The following MED13L variants were observed in gnomAD, a reference collection of about 807,000 sequenced individuals.
MED13L encodes the protein mediator of RNA polymerase II transcription subunit 13-like.
MED13L carries 7 observed loss-of-function variants against 220.9 expected under a neutral mutation model. The observed-to-expected ratio is 0.03, with a 90% confidence interval of 0.02 to 0.06. The LOEUF (loss-of-function observed/expected upper bound fraction) is 0.06. MED13L is among the 10% of genes least tolerant of loss of function. The pLI, the probability that MED13L is intolerant of heterozygous loss-of-function variation, is 1.00. For missense variants in MED13L, 1,965 were observed against 2,760.5 expected, an observed-to-expected ratio of 0.71 and a Z score of 6.46; for synonymous variants, 1,011 against 1,015.2, an observed-to-expected ratio of 1.00 and a Z score of 0.08.
intron 11 of MED13L, chr12:116,006,765 A>T (rs1378677932): frequency 3.0e-6 from 1 of 335,566 alleles, no homozygotes; most frequent in Non-Finnish European, 5.6e-6. Context: ...GTCTAGGGAG[A>T]TCTGTATAAA....
chr12:116,076,023 C>T (rs569448954), intron 4 of MED13L, among the ~76,000 whole-genome samples: 1 of 151,402 alleles, frequency 6.6e-6, no homozygotes, highest in East Asian at 1.9e-4. Flanking sequence ...ACGCCATTCT[C>T]CTGCCTCAGC....
intron 4 of MED13L, among the ~76,000 whole-genome samples, chr12:116,095,647 TA>T (rs1247639375): frequency 6.6e-6 from 1 of 152,212 alleles, no homozygotes; most frequent in Non-Finnish European, 1.5e-5. Flanking sequence ...TCAAGGGCTC[TA>T]ATCTGCACCC....
chr12:115,986,422 G>T lies in MED13L; in HGVS notation c.4182C>A (p.Leu1394=). The part of the protein sequence containing the change: ...TLLVGYDKDF[L]TISPFSLPFW... ...ACGGCAAGGAGAATGGCGAGATGGTGAGGAAATCCTTGTCATAGCCTACCA... is the reference window on the plus strand; with the variant it reads ...ACGGCAAGGAGAATGGCGAGATGGTTAGGAAATCCTTGTCATAGCCTACCA... The change falls in exon 19 of 31, where the codon CTC becomes CTA. Residue 1394 remains leucine, a synonymous_variant. Transcript: ENST00000281928. 6.2e-7 allele frequency: 1 copy of T among 1,614,154 alleles called. No individual in the cohort carries two copies. Among genetic ancestry groups the T allele is most frequent in the South Asian group, 1.1e-5 (1 of 91,076 alleles).
intron 2 of MED13L, among the ~76,000 whole-genome samples, chr12:116,210,734 C>A (rs1250772740): frequency 6.6e-6 from 1 of 151,638 alleles, no homozygotes; most frequent in Non-Finnish European, 1.5e-5. Context: ...TACAATTAAT[C>A]TATCACTCTT....
At chr12:116,226,798 C>T (rs140726012) in intron 2 of MED13L, among the ~76,000 whole-genome samples, 80 of 147,390 alleles carry the variant, frequency 5.4e-4, no homozygotes, top group Middle Eastern at 3.5e-3. Flanking sequence ...GAACTCCGGA[C>T]GTGGAGGTTG....
At chr12:116,033,961 A>G (rs1881014359) in intron 4 of MED13L, among the ~76,000 whole-genome samples, 1 of 152,168 alleles carries the variant, frequency 6.6e-6, no homozygotes, top group Non-Finnish European at 1.5e-5. Flanking sequence ...TCACTCAAAC[A>G]GTCAAACTAC....
intron 4 of MED13L, among the ~76,000 whole-genome samples, chr12:116,031,141 A>G (rs1178793516): frequency 6.6e-6 from 1 of 152,204 alleles, no homozygotes; most frequent in Non-Finnish European, 1.5e-5. Flanking sequence ...AAACAGATAA[A>G]GCAATTGTCT....
At chr12:116,068,714 T>C (rs1439250687) in intron 4 of MED13L, among the ~76,000 whole-genome samples, 2 of 152,188 alleles carry the variant, frequency 1.3e-5, no homozygotes, top group Admixed American at 6.5e-5. Flanking sequence ...TGTTTTAAAT[T>C]TGAACTTTTA....
Position 116,237,581 on chromosome 12 carries a change from G to C in MED13L, c.197C>G (p.Ala66Gly). The change falls in exon 2 of 31, where the codon GCT becomes GGT. Residue 66 changes from alanine to glycine, a missense_variant. By Grantham distance (60) the Ala-to-Gly change is moderately conservative (BLOSUM62 0). This residue lies in a region of MED13L where 818 missense variants were observed against 1,041.2 expected (regional missense o/e 0.79). Transcript: ENST00000281928. Reference protein sequence around the residue: ...ILLSFIRCLQANLLCVWRRDV... With the variant: ...ILLSFIRCLQGNLLCVWRRDV... ...ACGACGCCATACACAAAGCAGGTTA[G>C]CTTGCAGACAGCGGATGAAACTTAA... 6.2e-7 allele frequency: 1 copy of C among 1,614,194 alleles called. No homozygotes were observed. Among genetic ancestry groups the C allele is most frequent in the Non-Finnish European group, 8.5e-7 (1 of 1,180,034 alleles).
At chr12:116,089,075 C>T (rs184100956) in intron 4 of MED13L, among the ~76,000 whole-genome samples, 11 of 151,982 alleles carry the variant, frequency 7.2e-5, no homozygotes, top group East Asian at 5.8e-4. Context: ...AAAATGACAG[C>T]TGAGAAATGG....
chr12:116,124,123 C>CGAGA (rs58366115), intron 2 of MED13L, among the ~76,000 whole-genome samples: 8,951 of 133,530 alleles, frequency 0.067, 632 homozygotes, highest in South Asian at 0.15. Flanking sequence ...GAGAGAAAGA[C>CGAGA]GAGAGAGAGA....
At chr12:116,053,302 A>G (rs1433829766) in intron 4 of MED13L, among the ~76,000 whole-genome samples, 3 of 152,218 alleles carry the variant, frequency 2.0e-5, no homozygotes, top group African/African-American at 7.2e-5. Flanking sequence ...GTAAAATATG[A>G]CCATAAATAA....
intron 4 of MED13L, among the ~76,000 whole-genome samples, chr12:116,045,361 T>C (rs535129815): frequency 1.4e-4 from 22 of 152,256 alleles, no homozygotes; most frequent in African/African-American, 5.1e-4. Flanking sequence ...CAAACTGCCC[T>C]TCTCTCATGC....
intron 2 of MED13L, among the ~76,000 whole-genome samples, chr12:116,236,344 G>A (rs1412215007): frequency 6.6e-6 from 1 of 152,094 alleles, no homozygotes; most frequent in South Asian, 2.1e-4. Flanking sequence ...GTGGTTTACC[G>A]CCCTCTGGCT....
At chr12:116,192,429 G>T (rs889371752) in intron 2 of MED13L, among the ~76,000 whole-genome samples, 21 of 152,158 alleles carry the variant, frequency 1.4e-4, no homozygotes, top group African/African-American at 4.6e-4. Flanking sequence ...AAGCTAATAA[G>T]AAATGAAACT....
chr12:116,114,130 T>C (rs769486546), intron 2 of MED13L, among the ~76,000 whole-genome samples: 5 of 152,190 alleles, frequency 3.3e-5, no homozygotes, highest in Admixed American at 6.5e-5. Flanking sequence ...TGCAGTTGAC[T>C]TGGTGAAGAA....
chr12:116,109,059 C>T (rs1311617875), intron 3 of MED13L, among the ~76,000 whole-genome samples: 9 of 120,372 alleles, frequency 7.5e-5, no homozygotes, highest in African/African-American at 3.0e-4. Flanking sequence ...TAATTAATTT[C>T]CTTTTTTTTT....
chr12:116,173,135 T>C (rs1593127981), intron 2 of MED13L, among the ~76,000 whole-genome samples: 1 of 148,962 alleles, frequency 6.7e-6, no homozygotes, highest in Non-Finnish European at 1.5e-5. Context: ...GCCAAATTGG[T>C]GATTCTATAT....
intron 2 of MED13L, among the ~76,000 whole-genome samples, chr12:116,115,406 T>C (rs745336152): frequency 3.3e-5 from 5 of 152,026 alleles, no homozygotes; most frequent in Non-Finnish European, 5.9e-5. Flanking sequence ...TAAAAATACA[T>C]AGGAGATAAA....
Sources: gnomAD v4.1 joint callset for allele counts (sites outside exome capture counted in the v4.1 genomes callset) on GRCh38, gnomAD v4.1.1 for gene constraint, gnomAD v4.1.1 regional missense constraint, MANE v1.5 for transcripts, NCBI Gene and HGNC (gene_info 2026-07-23, HGNC 2026-07-21) for gene names.